The following DOCK1 variants were observed in gnomAD, a reference collection of about 807,000 sequenced individuals.
DOCK1 encodes the protein dedicator of cytokinesis 1.
In DOCK1, 138 loss-of-function variants were observed where a neutral mutation model predicts 262.7. The observed-to-expected ratio is 0.53, with a 90% CI of 0.46 to 0.61. The LOEUF is 0.61. DOCK1 is among the 20% of genes least tolerant of loss of function. The pLI is 0.00. For missense variants in DOCK1, 1,908 were observed against 2,370.7 expected (o/e 0.80, Z 4.05); for synonymous variants, 866 against 867.4 (o/e 1.00, Z 0.03).
chr10:127,372,056 G>C (rs898991059), intron 33 of DOCK1, among the ~76,000 whole-genome samples: 4 of 152,174 alleles, frequency 2.6e-5, no homozygotes, highest in African/African-American at 9.7e-5. Flanking sequence ...GTGTTTATTT[G>C]GGGGAGGAGA....
At chr10:127,413,938 GTC>G (rs1325825550) in intron 43 of DOCK1, among the ~76,000 whole-genome samples, 1 of 151,370 alleles carries the variant, frequency 6.6e-6, no homozygotes, top group Non-Finnish European at 1.5e-5. Context: ...TTGAGAGAGA[GTC>G]TTGCTCTGTT....
chr10:127,434,319 G>A (rs996308248), intron 48 of DOCK1, among the ~76,000 whole-genome samples: 4 of 152,100 alleles, frequency 2.6e-5, no homozygotes, highest in African/African-American at 9.7e-5. Flanking sequence ...GAAAATAAAA[G>A]GCATATTATC....
At chr10:127,200,904 T>C (rs913243408) in intron 27 of DOCK1, among the ~76,000 whole-genome samples, 2 of 152,190 alleles carry the variant, frequency 1.3e-5, no homozygotes, top group African/African-American at 4.8e-5. Context: ...TCACTCAAAA[T>C]GGAGTCGCTG....
At chr10:127,218,859 C>T (rs181117388) in intron 27 of DOCK1, among the ~76,000 whole-genome samples, 3 of 152,252 alleles carry the variant, frequency 2.0e-5, no homozygotes, top group East Asian at 1.9e-4. Flanking sequence ...CAAGTTTGGT[C>T]GTCTGGTGAG....
intron 29 of DOCK1, among the ~76,000 whole-genome samples, chr10:127,314,577 C>T (rs1590399312): frequency 6.6e-6 from 1 of 151,742 alleles, no homozygotes; most frequent in African/African-American, 2.4e-5. Context: ...GGCAAAACCT[C>T]ATAGATCCTG....
chr10:127,170,616 T>C (rs2054483260), intron 27 of DOCK1, among the ~76,000 whole-genome samples: 1 of 146,644 alleles, frequency 6.8e-6, no homozygotes, highest in Admixed American at 6.8e-5. Flanking sequence ...CTGGTGAGTT[T>C]ACCCAATGAG....
intron 27 of DOCK1, among the ~76,000 whole-genome samples, chr10:127,216,062 C>A (rs919594853): frequency 5.9e-5 from 9 of 152,226 alleles, no homozygotes; most frequent in African/African-American, 2.2e-4. Flanking sequence ...CTTAGCTTTG[C>A]CAGGACCGGG....
At chr10:127,441,713 AGT>A (rs1478663331) in intron 49 of DOCK1, among the ~76,000 whole-genome samples, 1 of 76,742 alleles carries the variant, frequency 1.3e-5, no homozygotes, top group Admixed American at 1.5e-4. Flanking sequence ...CCCCCACTGT[AGT>A]GTCCTCCTTG....
intron 29 of DOCK1, among the ~76,000 whole-genome samples, chr10:127,285,935 C>A (rs529209907): frequency 6.6e-6 from 1 of 152,304 alleles, no homozygotes; most frequent in South Asian, 2.1e-4. Context: ...TGGGCTATCA[C>A]GAGCCTGAGG....
intron 30 of DOCK1, among the ~76,000 whole-genome samples, chr10:127,341,466 A>G (rs2063421774): frequency 6.6e-6 from 1 of 152,230 alleles, no homozygotes. Context: ...CTGGAATCCC[A>G]TTGAATTGAT....
chr10:126,951,031 GGTA>G (rs1280740723), intron 1 of DOCK1, among the ~76,000 whole-genome samples: 40 of 152,028 alleles, frequency 2.6e-4, no homozygotes, highest in East Asian at 1.5e-3. Flanking sequence ...TAGTATTGTT[GGTA>G]GTAGTAGTAT....
At chr10:127,163,448 G>T (rs774069725) in intron 27 of DOCK1, among the ~76,000 whole-genome samples, 1 of 152,082 alleles carries the variant, frequency 6.6e-6, no homozygotes, top group Non-Finnish European at 1.5e-5. Context: ...GTTCCCGGGC[G>T]GGCAAACTTT....
rs922771418 is a variant in DOCK1, at chr10:127,200,570, AT to A, written c.2848-47432del. On this transcript the variant is annotated intron_variant, in intron 27 of 51. Transcript: ENST00000623213. ...AGTAACCTGTAACCACGCCTGGCTG[AT>A]TTTTTGTATTTTAGTAGAAATGAGG... Among the ~76,000 whole-genome samples, 151 of 152,060 alleles carry A rather than the reference AT, an allele frequency of 9.9e-4. 1 individual carries two copies. The highest frequency in any genetic ancestry group is 3.4e-3 in the African/African-American group (143 of 41,492).
At chr10:127,295,921 T>A (rs1404106540) in intron 29 of DOCK1, among the ~76,000 whole-genome samples, 2 of 152,216 alleles carry the variant, frequency 1.3e-5, no homozygotes, top group Non-Finnish European at 2.9e-5. Flanking sequence ...TTAAATCTCC[T>A]CTATTGGATA....
At position 127,100,949 on chromosome 10, in the gene DOCK1, G is replaced by T. The variant is rs573396053; in HGVS notation, c.2446-5282G>T. The stretch of plus-strand genomic sequence containing the variant: ...CGCAGGGCCTGGGGCTGCTTTTCCG[G>T]GTGAGAGGCTGGTGTGGGCTTCATG... On this transcript the variant is annotated intron_variant, in intron 23 of 51. Transcript: ENST00000623213. The surrounding 1 kb of genome is among the most constrained non-coding windows in gnomAD (Gnocchi z 5.5). Among the ~76,000 whole-genome samples the T allele has an allele frequency of 1.3e-5, 2 of 152,184 alleles. No homozygotes were observed. Among genetic ancestry groups the T allele is most frequent in the Admixed American group, 1.3e-4 (2 of 15,286 alleles).
At chr10:127,344,633 A>G (rs1200768384) in intron 31 of DOCK1, 4 of 152,324 alleles carry the variant, frequency 2.6e-5, no homozygotes, top group African/African-American at 2.4e-5. Context: ...CTGCTCTTAT[A>G]TCCTGTGAGT....
chr10:126,934,367 C>T (rs926618476), intron 1 of DOCK1, among the ~76,000 whole-genome samples: 9 of 152,218 alleles, frequency 5.9e-5, no homozygotes, highest in Non-Finnish European at 1.0e-4. Context: ...TTGAGTGTGA[C>T]CCACGTGCTG....
chr10:126,986,996 A>G (rs2039448311), intron 4 of DOCK1, among the ~76,000 whole-genome samples: 1 of 152,210 alleles, frequency 6.6e-6, no homozygotes, highest in Non-Finnish European at 1.5e-5. Context: ...CAGAGTTGGC[A>G]TCAGATAGAG....
chr10:127,436,435 C>T lies in DOCK1; in HGVS notation c.5061-2592C>T, dbSNP rs560294464. Reference sequence around the variant, plus strand: ...TGGGAGGCTGAGGTGGGAGGATCACCTGAACCTGGAGAGGTTGTGGCTGTA... The same window carrying T: ...TGGGAGGCTGAGGTGGGAGGATCACTTGAACCTGGAGAGGTTGTGGCTGTA... On this transcript the variant is annotated intron_variant, in intron 48 of 51. Coordinates refer to ENST00000623213, the MANE Select transcript of DOCK1 (RefSeq NM_001290223.2). 3.9e-5 allele frequency among the ~76,000 whole-genome samples: 6 copies of T among 152,192 alleles called. No individual in the cohort carries two copies. In the East Asian group the frequency reaches 9.7e-4, roughly 25 times the overall value.
Sources: gnomAD v4.1 joint callset for allele counts (sites outside exome capture counted in the v4.1 genomes callset) on GRCh38, gnomAD v4.1.1 for gene constraint, Gnocchi (gnomAD v3.1) non-coding constraint, MANE v1.5 for transcripts, NCBI Gene and HGNC (gene_info 2026-07-23, HGNC 2026-07-21) for gene names.